The following SPON1 variants were observed in gnomAD, a reference collection of about 807,000 sequenced individuals.
The protein encoded by SPON1 is spondin-1.
SPON1 carries 52 observed loss-of-function variants against 111.7 expected under a neutral mutation model. The observed-to-expected ratio is 0.47, with a 90% CI of 0.37 to 0.59. SPON1 has a LOEUF of 0.59. SPON1 is among the 20% of genes least tolerant of loss of function. The probability of loss-of-function intolerance (pLI) is 0.00; values close to 1 mark genes in which losing one functional copy is unlikely to be tolerated. For synonymous variants in SPON1, 410 were observed against 395.8 expected (o/e 1.04, Z -0.43); for missense variants, 957 against 1,068.5 (o/e 0.90, Z 1.46).
chr11:13,982,785 A>G (rs1383378998), intron 1 of SPON1, 62 bp from the exon 2 acceptor site: 2 of 1,185,374 alleles, frequency 1.7e-6, no homozygotes, highest in Non-Finnish European at 2.4e-6. Context: ...GGTCTATCCC[A>G]TTTGACAAAT....
chr11:14,162,432 TG>T (rs1245555719), intron 6 of SPON1, among the ~76,000 whole-genome samples: 1 of 152,172 alleles, frequency 6.6e-6, no homozygotes, highest in Non-Finnish European at 1.5e-5. Flanking sequence ...ATCAGATAAG[TG>T]TACCTTCAAT....
chr11:14,155,550 GCA>G, intron 6 of SPON1, among the ~76,000 whole-genome samples: 1 of 150,924 alleles, frequency 6.6e-6, no homozygotes, highest in African/African-American at 2.4e-5. Flanking sequence ...TGCACAATGT[GCA>G]GTTTAGTTAC....
At chr11:13,995,601 C>T (rs1197274801) in intron 2 of SPON1, among the ~76,000 whole-genome samples, 1 of 152,102 alleles carries the variant, frequency 6.6e-6, no homozygotes, top group Non-Finnish European at 1.5e-5. Context: ...AGGTCCCTCC[C>T]CTACACATGG....
At chr11:14,244,243 A>G (rs4307686) in intron 7 of SPON1, among the ~76,000 whole-genome samples, 71,847 of 151,966 alleles carry the variant, frequency 0.47, 17,430 homozygotes, top group African/African-American at 0.54. Flanking sequence ...AATACCGGCC[A>G]GGCGCAGTGG....
chr11:13,984,861 C>G (rs57935378), intron 2 of SPON1, among the ~76,000 whole-genome samples: 2,788 of 152,294 alleles, frequency 0.018, 83 homozygotes, highest in African/African-American at 0.064. Flanking sequence ...ACATTTGACT[C>G]TTTCTGCTAG....
At chr11:14,157,073 A>G (rs868923967) in intron 6 of SPON1, among the ~76,000 whole-genome samples, 31 of 152,288 alleles carry the variant, frequency 2.0e-4, no homozygotes, top group Middle Eastern at 3.4e-3. Context: ...TTTCATATAT[A>G]TTTTAACCCT....
intron 6 of SPON1, among the ~76,000 whole-genome samples, chr11:14,201,964 A>G (rs1488494315): frequency 6.6e-6 from 1 of 152,162 alleles, no homozygotes; most frequent in Non-Finnish European, 1.5e-5. Flanking sequence ...TTAAACTGCA[A>G]GATTATTCCT....
intron 5 of SPON1, among the ~76,000 whole-genome samples, chr11:14,112,201 G>A (rs1355423925): frequency 6.6e-6 from 1 of 152,114 alleles, no homozygotes; most frequent in Non-Finnish European, 1.5e-5. Context: ...TTATATGCTT[G>A]GAAAATAATT....
At chr11:14,256,148 A>G (rs1247119415) in intron 9 of SPON1, among the ~76,000 whole-genome samples, 1 of 152,156 alleles carries the variant, frequency 6.6e-6, no homozygotes, top group Admixed American at 6.5e-5. Flanking sequence ...TCGGGAGGCT[A>G]AGGCAGGAGA....
At chr11:14,002,833 G>A (rs971661280) in intron 2 of SPON1, among the ~76,000 whole-genome samples, 21 of 151,962 alleles carry the variant, frequency 1.4e-4, no homozygotes, top group African/African-American at 4.6e-4. Flanking sequence ...GTTCAAGTTG[G>A]CCAGGAAGAT....
chr11:14,093,026 A>T (rs12796078), intron 5 of SPON1, among the ~76,000 whole-genome samples: 28,732 of 152,172 alleles, frequency 0.19, 3,447 homozygotes, highest in Non-Finnish European at 0.26. Flanking sequence ...CATGAACTCA[A>T]CTGGTACCAA....
intron 6 of SPON1, among the ~76,000 whole-genome samples, chr11:14,186,046 G>T (rs1220551163): frequency 6.6e-6 from 1 of 152,178 alleles, no homozygotes; most frequent in African/African-American, 2.4e-5. Flanking sequence ...AAATGAATTT[G>T]AAACCTATAT....
At chr11:14,091,815 C>T (rs1849061087) in intron 5 of SPON1, among the ~76,000 whole-genome samples, 4 of 152,146 alleles carry the variant, frequency 2.6e-5, no homozygotes. Context: ...CAAATGCCGC[C>T]AAAGTAGGAG....
chr11:14,075,775 G>GA (rs1484712346), intron 4 of SPON1, among the ~76,000 whole-genome samples: 1 of 152,084 alleles, frequency 6.6e-6, no homozygotes, highest in Admixed American at 6.5e-5. Context: ...TGGTTCTTTG[G>GA]AAAAAAATCA....
At chr11:14,118,988 G>A (rs952394618) in intron 5 of SPON1, among the ~76,000 whole-genome samples, 3 of 152,236 alleles carry the variant, frequency 2.0e-5, no homozygotes, top group South Asian at 2.1e-4. Flanking sequence ...GGCAGTGATT[G>A]TGATGATAGT....
intron 3 of SPON1, among the ~76,000 whole-genome samples, chr11:14,047,250 G>A (rs1564893179): frequency 6.6e-6 from 1 of 152,052 alleles, no homozygotes; most frequent in Non-Finnish European, 1.5e-5. Context: ...ATTTTAATGG[G>A]AACACTATTT....
At chr11:14,080,216 G>A (rs1848951356) in intron 5 of SPON1, among the ~76,000 whole-genome samples, 195 bp downstream of exon 5, 1 of 150,942 alleles carries the variant, frequency 6.6e-6, no homozygotes, top group South Asian at 2.2e-4. Context: ...TCTTTGCATA[G>A]CATTGTGCTA....
rs1242206927 is a variant in SPON1 at position 14,086,248 on chromosome 11, C to T, written c.676+6227C>T. On this transcript the variant is annotated intron_variant, in intron 5 of 15. Transcript: ENST00000576479. ...TGGTTTTCAAGGGAAATGCTTCCAG[C>T]TTTTGCCCATTCAATATGATATTGG... is the stretch of plus-strand genomic sequence containing the variant. Among the ~76,000 whole-genome samples, 4 of 152,208 alleles carry T rather than the reference C, an allele frequency of 2.6e-5. No homozygotes were observed. In the South Asian group the frequency reaches 8.3e-4, roughly 32 times the overall value.
chr11:14,149,259 C>T lies in SPON1; in HGVS notation c.825+13691C>T, dbSNP rs183833819. Among the ~76,000 whole-genome samples the T allele has an allele frequency of 7.8e-4, 118 of 151,956 alleles. 1 individual carries two copies. Among genetic ancestry groups the T allele is most frequent in the South Asian group, 5.2e-3 (25 of 4,802 alleles). On this transcript the variant is annotated intron_variant, in intron 6 of 15. Transcript: ENST00000576479. ...GATCCTGACCCTGTAAAGGCTTAAG[C>T]ACATTTTTTAAAATGTGTGTGTTTA...
Sources: allele counts gnomAD v4.1 joint callset (sites outside exome capture counted in the v4.1 genomes callset), GRCh38; gene constraint gnomAD v4.1.1; transcripts MANE v1.5; gene names NCBI Gene and HGNC (gene_info 2026-07-23, HGNC 2026-07-21).